Variants in TNRC6C observed in about 807,000 individuals in gnomAD.
The protein encoded by TNRC6C is trinucleotide repeat-containing gene 6C protein.
Under a neutral mutation model 153.7 loss-of-function variants are expected in TNRC6C, and 20 were observed. The ratio of observed to expected loss-of-function variants is 0.13; its 90% CI spans 0.09 to 0.19. The LOEUF (loss-of-function observed/expected upper bound fraction) is 0.19. Among genes scored for constraint, TNRC6C ranks in the 10% least tolerant of loss-of-function variants. The pLI is 1.00. For missense variants in TNRC6C, 1,987 were observed against 2,172.0 expected, an observed-to-expected ratio of 0.91 and a Z score of 1.69; for synonymous variants, 811 against 841.4, an observed-to-expected ratio of 0.96 and a Z score of 0.63.
chr17:78,028,331 G>C (rs990081333), intron 1 of TNRC6C, among the ~76,000 whole-genome samples: 1 of 152,188 alleles, frequency 6.6e-6, no homozygotes, highest in Non-Finnish European at 1.5e-5. Context: ...TAAATGAATT[G>C]TTGACACCAC....
chr17:77,958,829 A>G (rs1049452657), upstream of TNRC6C, among the ~76,000 whole-genome samples: 6 of 141,652 alleles, frequency 4.2e-5, no homozygotes, highest in African/African-American at 1.6e-4. Flanking sequence ...GCCCCCTGAC[A>G]GGGCAGTCCC....
intron 13 of TNRC6C, 61 bp from the exon 16 acceptor site, chr17:78,091,379 G>C (rs1485642151): frequency 6.9e-7 from 1 of 1,441,904 alleles, no homozygotes; most frequent in East Asian, 2.7e-5. Context: ...TTCTATAGGA[G>C]AGCTTTAGAA....
chr17:78,039,586 T>C (rs1041806725), intron 2 of TNRC6C, among the ~76,000 whole-genome samples: 1 of 152,212 alleles, frequency 6.6e-6, no homozygotes, highest in Non-Finnish European at 1.5e-5. Flanking sequence ...GGCTGACAAT[T>C]CTAAATGGAG....
chr17:78,061,633 C>A (rs1233879808), intron 3 of TNRC6C, among the ~76,000 whole-genome samples: 2 of 152,202 alleles, frequency 1.3e-5, no homozygotes, highest in African/African-American at 4.8e-5. Context: ...TATGATCACA[C>A]TTAAGAACAG....
chr17:77,975,066 G>T (rs997458870), intron 1 of TNRC6C, among the ~76,000 whole-genome samples: 2 of 152,160 alleles, frequency 1.3e-5, no homozygotes, highest in Non-Finnish European at 2.9e-5. Context: ...ACTTAAATAT[G>T]ATACTGAGGA....
intron 2 of TNRC6C, among the ~76,000 whole-genome samples, chr17:78,035,272 T>C (rs915264280): frequency 6.6e-6 from 1 of 152,144 alleles, no homozygotes; most frequent in Admixed American, 6.5e-5. Flanking sequence ...GGCAAAGTGG[T>C]CAAGAGACAG....
upstream of TNRC6C, among the ~76,000 whole-genome samples, chr17:77,957,726 T>A (rs150213056): frequency 3.8e-4 from 58 of 152,370 alleles, no homozygotes; most frequent in Non-Finnish European, 1.2e-4. Flanking sequence ...AATCTTCTCC[T>A]GGCTTGAACC....
chr17:78,003,639 G>A (rs560718661), upstream of TNRC6C, among the ~76,000 whole-genome samples: 78 of 152,266 alleles, frequency 5.1e-4, no homozygotes, highest in Non-Finnish European at 9.0e-4. Flanking sequence ...AGAAACAGAA[G>A]GAAGGTGTTT....
rs17552589 is a variant in TNRC6C, at chr17:78,040,780, G to C, written c.-218-8065G>C. Among the ~76,000 whole-genome samples the C allele has an allele frequency of 6.6e-5, 10 of 152,310 alleles. No individual in the cohort carries two copies. The East Asian group carries it at 1.9e-3, about 29-fold the overall frequency. On this transcript the variant is annotated intron_variant, in intron 2 of 19. Transcript: ENST00000301624. Reference sequence around the variant, plus strand: ...AGAATTTAAAGAGGAAGGAAGATCGGTTTAGTGTCAGCTGCAATTAGATAA... The same window carrying C: ...AGAATTTAAAGAGGAAGGAAGATCGCTTTAGTGTCAGCTGCAATTAGATAA...
At chr17:78,016,263 G>A (rs2071726601) in intron 1 of TNRC6C, among the ~76,000 whole-genome samples, 1 of 152,176 alleles carries the variant, frequency 6.6e-6, no homozygotes, top group Non-Finnish European at 1.5e-5. Flanking sequence ...TGGGAATGTG[G>A]CCCCTGCACA....
At position 78,104,965 on chromosome 17, in the gene TNRC6C, C is replaced by A. The variant is rs1156324664; in HGVS notation, c.*120C>A. ...CCCTTTTGAGTACCTCTGTCCAGGACTGAAGACGAACCTTGGCCGCAGTCC... is the reference window on the plus strand; with the variant it reads ...CCCTTTTGAGTACCTCTGTCCAGGAATGAAGACGAACCTTGGCCGCAGTCC... On this transcript the variant is annotated 3_prime_UTR_variant, in exon 20 of 20. Coordinates refer to ENST00000301624, the Ensembl canonical transcript of TNRC6C. The surrounding 1 kb of genome is among the most constrained non-coding windows in gnomAD (Gnocchi z 6.2). The A allele has an allele frequency of 7.8e-7, 1 of 1,285,982 alleles. No homozygotes were observed. Among genetic ancestry groups the A allele is most frequent in the East Asian group, 3.1e-5 (1 of 32,480 alleles). 79.7% of individuals were successfully genotyped at this position (1,285,982 alleles called of 1,614,324 possible). A position where few individuals can be genotyped will look rare whatever the true frequency, so the allele number is the denominator to read the frequency against.
intron 1 of TNRC6C, among the ~76,000 whole-genome samples, chr17:77,986,715 G>A (rs2071175018): frequency 6.6e-6 from 1 of 152,112 alleles, no homozygotes; most frequent in Admixed American, 6.5e-5. Flanking sequence ...TGTGGCAGAA[G>A]CGTGCAGTTA....
chr17:78,043,549 C>T (rs944972427), intron 2 of TNRC6C, among the ~76,000 whole-genome samples: 1 of 152,204 alleles, frequency 6.6e-6, no homozygotes, highest in Admixed American at 6.5e-5. Flanking sequence ...TCAGTCATCT[C>T]AAGTATTTAT....
intron 1 of TNRC6C, among the ~76,000 whole-genome samples, chr17:77,974,822 C>G (rs1598640631): frequency 6.6e-6 from 1 of 152,210 alleles, no homozygotes; most frequent in East Asian, 1.9e-4. Context: ...TAGAGTTCAC[C>G]GAGGAGAAAA....
exon 16 of TNRC6C, chr17:78,093,626 A>G (rs767848233): frequency 1.9e-6 from 3 of 1,613,964 alleles, no homozygotes; most frequent in Non-Finnish European, 2.5e-6. Context: ...ACAGAATTCC[A>G]TCCGGGAGTT....
upstream of TNRC6C, among the ~76,000 whole-genome samples, chr17:77,999,369 C>T (rs2071377374): frequency 6.6e-6 from 1 of 152,212 alleles, no homozygotes; most frequent in South Asian, 2.1e-4. Flanking sequence ...ATGAGAAAGT[C>T]ACCCCCACAC....
intron 1 of TNRC6C, among the ~76,000 whole-genome samples, chr17:77,974,330 C>T (rs1335051754): frequency 6.6e-6 from 1 of 152,120 alleles, no homozygotes; most frequent in Non-Finnish European, 1.5e-5. Flanking sequence ...TTCAAATTTT[C>T]CATTTTTCCT....
rs1413137945 is a variant in TNRC6C, at chr17:78,075,860, G to A, written c.3060+582G>A. ...AGAAAAGCATTGCACTAAATTCAAT[G>A]CAAATGTCGAGCCTTGAAAATAAAA... On this transcript the variant is annotated intron_variant, in intron 8 of 19. Coordinates refer to ENST00000301624, the Ensembl canonical transcript of TNRC6C. The surrounding 1 kb of genome is among the most constrained non-coding windows in gnomAD (Gnocchi z 4.2). 6.6e-6 allele frequency among the ~76,000 whole-genome samples: 1 copy of A among 151,996 alleles called. No individual in the cohort carries two copies. Among genetic ancestry groups the A allele is most frequent in the African/African-American group, 2.4e-5 (1 of 41,368 alleles).
intron 2 of TNRC6C, among the ~76,000 whole-genome samples, chr17:78,039,398 G>A (rs1262400335): frequency 1.3e-5 from 2 of 151,552 alleles, no homozygotes; most frequent in Non-Finnish European, 2.9e-5. Context: ...CGTTGGCCTG[G>A]GCATTGGGCA....
Sources: gnomAD v4.1 joint callset for allele counts (sites outside exome capture counted in the v4.1 genomes callset) on GRCh38, gnomAD v4.1.1 for gene constraint, Gnocchi (gnomAD v3.1) non-coding constraint, MANE v1.5 for transcripts, NCBI Gene and HGNC (gene_info 2026-07-23, HGNC 2026-07-21) for gene names.